Variants in FAT3 observed in about 807,000 individuals in gnomAD.
FAT3 encodes the protein protocadherin Fat 3.
In FAT3, 95 loss-of-function variants were observed where a neutral mutation model predicts 310.2. The ratio of observed to expected loss-of-function variants is 0.31; its 90% CI spans 0.26 to 0.36. FAT3 has a LOEUF of 0.36. Ranked by LOEUF, FAT3 falls within the 10% of genes least tolerant of loss-of-function variation. The pLI is 1.00. For synonymous variants in FAT3, 2,314 were observed against 2,192.9 expected (o/e 1.06, Z -1.54); for missense variants, 5,408 against 5,715.6 (o/e 0.95, Z 1.74).
intron 3 of FAT3, among the ~76,000 whole-genome samples, chr11:92,538,901 A>G (rs893995167): frequency 6.6e-6 from 1 of 152,122 alleles, no homozygotes; most frequent in South Asian, 2.1e-4. Context: ...GAGTGAGGAG[A>G]TGTAAAATAA....
chr11:92,354,093 C>G lies in FAT3; in HGVS notation c.1981C>G (p.Leu661Val). ...AATTACAGCAACTGATGGAGAGAAT[C>G]TTGCAGACCCCATGTCTATTAACAT... ...LRITATDGEN[L>V]ADPMSINISV... Residue 661 changes from leucine (L) to valine (V), a missense_variant, in exon 2 of 28, where the codon CTT becomes GTT. Coordinates refer to ENST00000525166, the MANE Select transcript of FAT3 (RefSeq NM_001367949.2). The G allele has an allele frequency of 2.5e-6, 4 of 1,613,714 alleles. No individual in the cohort carries two copies. Among genetic ancestry groups the G allele is most frequent in the Non-Finnish European group, 3.4e-6 (4 of 1,179,788 alleles).
At chr11:92,410,226 C>T (rs1334434161) in intron 2 of FAT3, among the ~76,000 whole-genome samples, 4 of 152,044 alleles carry the variant, frequency 2.6e-5, no homozygotes, top group Non-Finnish European at 2.9e-5. Flanking sequence ...CTATTTTCTG[C>T]ACTGCCTTTC....
intron 2 of FAT3, among the ~76,000 whole-genome samples, chr11:92,399,724 C>T (rs897111813): frequency 6.6e-6 from 1 of 152,084 alleles, no homozygotes; most frequent in Non-Finnish European, 1.5e-5. Flanking sequence ...TTTGGTGAGC[C>T]CCTTAAGTGG....
chr11:92,296,546 G>A (rs769500417), intron 1 of FAT3, among the ~76,000 whole-genome samples: 1 of 152,122 alleles, frequency 6.6e-6, no homozygotes, highest in Admixed American at 6.5e-5. Flanking sequence ...CCTAGGAGTA[G>A]GAAGCAAGTT....
At position 92,765,066 on chromosome 11, in the gene FAT3, C is replaced by T. The variant is rs375764916; in HGVS notation, c.4172C>T (p.Thr1391Ile). Residue 1391 changes from threonine (T) to isoleucine (I), a missense_variant, in exon 6 of 28, where the codon ACC becomes ATC. Physicochemically the swap from Thr to Ile is moderately conservative, Grantham distance 89. Around this residue, in one of 5 missense-constraint regions of FAT3, gnomAD observed 4,588 missense variants for 4,809.8 expected, o/e 0.95. Transcript: ENST00000525166. ...GTGGTGTCTGTGCAGCCAGCTAACA[C>T]CCCTCTGTGGTTTGACATAGTTGGT... ...VGVVSVQPAN[T>I]PLWFDIVGGN... 9.4e-5 allele frequency: 151 copies of T among 1,613,282 alleles called. No individual in the cohort carries two copies. The highest frequency in any genetic ancestry group is 1.6e-4 in the Middle Eastern group (1 of 6,074).
At chr11:92,580,446 C>T (rs1310842559) in intron 3 of FAT3, among the ~76,000 whole-genome samples, 1 of 152,042 alleles carries the variant, frequency 6.6e-6, no homozygotes, top group African/African-American at 2.4e-5. Context: ...CTTTCCTCAC[C>T]CACAATTTGG....
intron 7 of FAT3, among the ~76,000 whole-genome samples, chr11:92,789,471 C>T (rs1313126132): frequency 2.6e-5 from 4 of 152,198 alleles, no homozygotes; most frequent in African/African-American, 9.6e-5. Context: ...GGCATGGACA[C>T]TGCCACTGAG....
chr11:92,473,841 C>G (rs1005831027), intron 2 of FAT3, among the ~76,000 whole-genome samples: 2 of 152,182 alleles, frequency 1.3e-5, no homozygotes, highest in African/African-American at 4.8e-5. Flanking sequence ...TCCTACACTG[C>G]TAGCCCAGAA....
At chr11:92,364,472 G>C (rs188981167) in intron 2 of FAT3, among the ~76,000 whole-genome samples, 1 of 152,152 alleles carries the variant, frequency 6.6e-6, no homozygotes, top group African/African-American at 2.4e-5. Flanking sequence ...ATAGTTTTCT[G>C]CTAGTGTTTT....
intron 2 of FAT3, among the ~76,000 whole-genome samples, chr11:92,418,590 A>G (rs1421869344): frequency 4.0e-5 from 6 of 151,868 alleles, no homozygotes; most frequent in African/African-American, 1.5e-4. Context: ...TAAGGATGCT[A>G]CTTACAGTGA....
intron 19 of FAT3, among the ~76,000 whole-genome samples, chr11:92,845,646 A>G (rs1948666773): frequency 6.6e-6 from 1 of 152,196 alleles, no homozygotes; most frequent in Non-Finnish European, 1.5e-5. Context: ...TCCGTCTGAC[A>G]TGTGGAGCCA....
At chr11:92,392,544 C>A (rs957986219) in intron 2 of FAT3, among the ~76,000 whole-genome samples, 2 of 152,028 alleles carry the variant, frequency 1.3e-5, no homozygotes, top group Admixed American at 1.3e-4. Context: ...CCCACAAATC[C>A]CCAATCTATA....
At chr11:92,238,724 GT>G (rs1159462387) in intron 1 of FAT3, among the ~76,000 whole-genome samples, 1 of 152,004 alleles carries the variant, frequency 6.6e-6, no homozygotes, top group African/African-American at 2.4e-5. Context: ...TACTATGCAT[GT>G]GTTTAATTAT....
chr11:92,303,724 A>G (rs1947055037), intron 1 of FAT3, among the ~76,000 whole-genome samples: 3 of 152,076 alleles, frequency 2.0e-5, no homozygotes, highest in Admixed American at 2.0e-4. Context: ...TTCCTTTGTG[A>G]AATGTTTGTA....
chr11:92,765,789 AG>A (rs11430971), intron 6 of FAT3, among the ~76,000 whole-genome samples: 1 of 150,254 alleles, frequency 6.7e-6, no homozygotes, highest in African/African-American at 2.5e-5. Context: ...ATTTTTTTTG[AG>A]GGGGGGGTTG....
chr11:92,308,950 C>A (rs1459573296), intron 1 of FAT3, among the ~76,000 whole-genome samples: 1 of 151,932 alleles, frequency 6.6e-6, no homozygotes, highest in Non-Finnish European at 1.5e-5. Context: ...AGGGAACTAG[C>A]CAAGTATGGT....
intron 3 of FAT3, among the ~76,000 whole-genome samples, chr11:92,653,559 A>T (rs1289159071): frequency 6.6e-6 from 1 of 152,224 alleles, no homozygotes; most frequent in African/African-American, 2.4e-5. Context: ...TTACTAAAAT[A>T]TAAATATTCT....
At chr11:92,604,135 T>C (rs1199868300) in intron 3 of FAT3, among the ~76,000 whole-genome samples, 3 of 152,216 alleles carry the variant, frequency 2.0e-5, no homozygotes, top group Non-Finnish European at 4.4e-5. Flanking sequence ...CCATCAGCTA[T>C]GCTAATTAGT....
intron 2 of FAT3, among the ~76,000 whole-genome samples, chr11:92,514,894 C>G (rs1214206529): frequency 6.6e-6 from 1 of 152,054 alleles, no homozygotes; most frequent in African/African-American, 2.4e-5. Flanking sequence ...ATTTTTGTCT[C>G]AGTGTGAAGA....
Sources: gnomAD v4.1 joint callset for allele counts (sites outside exome capture counted in the v4.1 genomes callset) on GRCh38, gnomAD v4.1.1 for gene constraint, gnomAD v4.1.1 regional missense constraint, MANE v1.5 for transcripts, NCBI Gene and HGNC (gene_info 2026-07-23, HGNC 2026-07-21) for gene names.